Variants in DSG1 observed in about 807,000 individuals in gnomAD.
DSG1 encodes the protein desmoglein 1.
A neutral mutation model predicts 97.5 loss-of-function variants in DSG1; 39 were observed. That is an observed-to-expected ratio of 0.40 (90% confidence interval 0.31 to 0.52). The LOEUF (loss-of-function observed/expected upper bound fraction) is 0.52, where lower values mean the gene tolerates loss of function less well. Among genes scored for constraint, DSG1 ranks in the 20% least tolerant of loss-of-function variants. The pLI, the probability that DSG1 is intolerant of heterozygous loss-of-function variation, is 0.53. For synonymous variants in DSG1, 475 were observed against 443.4 expected, an observed-to-expected ratio of 1.07 and a Z score of -0.90; for missense variants, 1,311 against 1,295.4, an observed-to-expected ratio of 1.01 and a Z score of -0.18.
At chr18:31,326,198 C>G (rs1006269293) in intron 1 of DSG1, among the ~76,000 whole-genome samples, 4 of 151,800 alleles carry the variant, frequency 2.6e-5, no homozygotes, top group African/African-American at 4.8e-5. Context: ...ATAAAAAGAA[C>G]TTTTTTATAT....
chr18:31,336,866 C>T (rs564272826), intron 9 of DSG1, among the ~76,000 whole-genome samples: 3 of 152,296 alleles, frequency 2.0e-5, no homozygotes, highest in Admixed American at 6.5e-5. Flanking sequence ...AGTATCGACA[C>T]TCCTGTATTT....
At chr18:31,320,198 C>T (rs917369961) in intron 1 of DSG1, among the ~76,000 whole-genome samples, 2 of 151,772 alleles carry the variant, frequency 1.3e-5, no homozygotes, top group African/African-American at 2.4e-5. Context: ...CTTTAAAATA[C>T]TTTTTTTCTT....
intron 9 of DSG1, among the ~76,000 whole-genome samples, chr18:31,337,200 G>A (rs1004457026): frequency 6.6e-6 from 1 of 152,168 alleles, no homozygotes; most frequent in African/African-American, 2.4e-5. Context: ...AGAAGAATGG[G>A]AGAAGCACTT....
chr18:31,343,997 T>C lies in DSG1; in HGVS notation c.1891+2T>C. On this transcript the variant is annotated splice_donor_variant, in intron 13 of 14. Transcript: ENST00000257192. LOFTEE classifies it high-confidence loss of function. Reference sequence around the variant, plus strand: ...TAATTGAATGCATTGACAACTCAGGTAAGAAAAAAGAATTTGTTTAACATC... The same window carrying C: ...TAATTGAATGCATTGACAACTCAGGCAAGAAAAAAGAATTTGTTTAACATC... 1 of 1,607,130 alleles carries C rather than the reference T, an allele frequency of 6.2e-7. No homozygotes were observed. Among genetic ancestry groups the C allele is most frequent in the Non-Finnish European group, 8.5e-7 (1 of 1,174,156 alleles).
Position 31,354,301 on chromosome 18 carries a change from C to CAT in DSG1, c.2108_2109dup (p.Ala704MetfsTer24). The CAT allele has an allele frequency of 6.2e-7, 1 of 1,613,918 alleles. No homozygotes were observed. Among genetic ancestry groups the CAT allele is most frequent in the South Asian group, 1.1e-5 (1 of 91,084 alleles). ...CTCTTTCTCCTATAAATTCAGAAAG[C>CAT]ATATGCTTACGCAGATGAAGATGAA... On this transcript the variant is annotated frameshift_variant, in exon 15 of 15. Coordinates refer to ENST00000257192, the MANE Select transcript of DSG1 (RefSeq NM_001942.4). LOFTEE classifies it high-confidence loss of function.
intron 14 of DSG1, among the ~76,000 whole-genome samples, chr18:31,349,352 T>A (rs2071873675): frequency 6.7e-6 from 1 of 148,416 alleles, no homozygotes; most frequent in South Asian, 2.1e-4. Flanking sequence ...AGTACCATGC[T>A]GTTTTGGTTA....
chr18:31,319,456 G>A (rs947461791), intron 1 of DSG1, among the ~76,000 whole-genome samples: 3 of 152,146 alleles, frequency 2.0e-5, no homozygotes, highest in African/African-American at 7.2e-5. Flanking sequence ...AGTTATAAAT[G>A]AGCATCAGTA....
intron 11 of DSG1, among the ~76,000 whole-genome samples, chr18:31,340,885 G>A (rs1169287028): frequency 6.6e-6 from 1 of 152,218 alleles, no homozygotes; most frequent in Non-Finnish European, 1.5e-5. Flanking sequence ...TTAAACTCTG[G>A]TTTCTAAGCC....
At chr18:31,343,365 C>T (rs1371376279) in intron 11 of DSG1, 85 bp from the exon 12 acceptor site, 5 of 1,576,348 alleles carry the variant, frequency 3.2e-6, no homozygotes, top group Non-Finnish European at 3.5e-6. Flanking sequence ...ATTACGAATT[C>T]AAATTTAACC....
At position 31,326,957 on chromosome 18, in the gene DSG1, A is replaced by T; in HGVS notation, c.168A>T (p.Ala56=). Residue 56 remains alanine, a synonymous_variant, in exon 3 of 15, where the codon GCA becomes GCT. Coordinates refer to ENST00000257192, the MANE Select transcript of DSG1 (RefSeq NM_001942.4). Reference sequence around the variant, plus strand: ...AACGTGAATGGATCAAGTTCGCAGCAGCCTGTCGTGAAGGTGAAGACAACT... The same window carrying T: ...AACGTGAATGGATCAAGTTCGCAGCTGCCTGTCGTGAAGGTGAAGACAACT... ...RQKREWIKFA[A]ACREGEDNSK... The T allele has an allele frequency of 6.2e-7, 1 of 1,614,082 alleles. No homozygotes were observed. Among genetic ancestry groups the T allele is most frequent in the South Asian group, 1.1e-5 (1 of 91,084 alleles).
At position 31,355,062 on chromosome 18, in the gene DSG1, G is replaced by A. The variant is rs746169531; in HGVS notation, c.2866G>A (p.Val956Ile). ...AHNVIVTERV[V>I]SGAGVTGISG... The stretch of plus-strand genomic sequence containing the variant: ...CAATGTCATTGTGACAGAGAGGGTT[G>A]TTTCTGGTGCTGGCGTAACTGGAAT... Residue 956 changes from valine (V) to isoleucine (I), a missense_variant, in exon 15 of 15, where the codon GTT (valine) becomes ATT (isoleucine). This residue lies in a region of DSG1 where 1,038 missense variants were observed against 964.6 expected (regional missense o/e 1.08). Coordinates refer to ENST00000257192, the MANE Select transcript of DSG1 (RefSeq NM_001942.4). 1.2e-6 allele frequency: 2 copies of A among 1,614,212 alleles called. No homozygotes were observed. The highest frequency in any genetic ancestry group is 4.5e-5 in the East Asian group (2 of 44,880).
At position 31,356,363 on chromosome 18, in the gene DSG1, T is replaced by C. The variant is rs190770780; in HGVS notation, c.*1017T>C. 1.3e-4 allele frequency: 20 copies of C among 152,014 alleles called. No individual in the cohort carries two copies. Among genetic ancestry groups the C allele is most frequent in the Non-Finnish European group, 7.4e-5 (5 of 67,968 alleles). 9.4% of individuals were successfully genotyped at this position (152,014 alleles called of 1,614,324 possible). A position where few individuals can be genotyped will look rare whatever the true frequency, so the allele number is the denominator to read the frequency against. On this transcript the variant is annotated 3_prime_UTR_variant, in exon 15 of 15. Coordinates refer to ENST00000257192, the MANE Select transcript of DSG1 (RefSeq NM_001942.4). ...AGCTCTGAAGTTAAAATGATTTACATAGGCCGAGCTGTGGACAAAAAAAAA... is the reference window on the plus strand; with the variant it reads ...AGCTCTGAAGTTAAAATGATTTACACAGGCCGAGCTGTGGACAAAAAAAAA...
chr18:31,348,426 C>T (rs2071861956), intron 14 of DSG1, among the ~76,000 whole-genome samples: 1 of 151,772 alleles, frequency 6.6e-6, no homozygotes, highest in African/African-American at 2.4e-5. Context: ...CCGCAATAAA[C>T]ATACGTGTGC....
intron 14 of DSG1, among the ~76,000 whole-genome samples, chr18:31,348,183 T>C (rs868774637): frequency 0.037 from 5,156 of 138,922 alleles, 319 homozygotes; most frequent in African/African-American, 0.13. Context: ...GTGATCTCAT[T>C]GTTCAATTCC....
rs374853227 is a variant in DSG1, at chr18:31,353,505, G to C, written c.2101-792G>C. 9.3e-4 allele frequency among the ~76,000 whole-genome samples: 142 copies of C among 152,268 alleles called. 2 individuals carry two copies. The highest frequency in any genetic ancestry group is 3.2e-3 in the African/African-American group (133 of 41,562). On this transcript the variant is annotated intron_variant, in intron 14 of 14. Transcript: ENST00000257192. ...AGCTGTGGTGGGCTCCACCCAGTTC[G>C]AGCTTCCTGTCTGCTTTGTTTACCT...
intron 1 of DSG1, among the ~76,000 whole-genome samples, chr18:31,319,747 T>C (rs2071641882): frequency 1.3e-5 from 2 of 152,174 alleles, no homozygotes; most frequent in African/African-American, 4.8e-5. Flanking sequence ...ATCTCTAAGA[T>C]GTGCCTTATT....
chr18:31,353,341 C>A (rs923002450), intron 14 of DSG1, among the ~76,000 whole-genome samples: 1 of 151,552 alleles, frequency 6.6e-6, no homozygotes, highest in African/African-American at 2.4e-5. Flanking sequence ...AGTTCTCCAG[C>A]TGCGTGCTGG....
intron 11 of DSG1, among the ~76,000 whole-genome samples, chr18:31,342,620 T>C (rs2071797032): frequency 1.3e-5 from 2 of 152,320 alleles, no homozygotes; most frequent in South Asian, 4.1e-4. Context: ...TGCTAAGCAG[T>C]GTGATGTTTT....
intron 10 of DSG1, 137 bp from the exon 11 acceptor site, chr18:31,339,607 G>A (rs2071775561): frequency 1.8e-6 from 1 of 565,906 alleles, no homozygotes; most frequent in Admixed American, 3.6e-5. Flanking sequence ...AAAAACAAGG[G>A]ATGATTTTCA....
Sources: allele counts gnomAD v4.1 joint callset (sites outside exome capture counted in the v4.1 genomes callset), GRCh38; gene constraint gnomAD v4.1.1; regional missense constraint gnomAD v4.1.1; transcripts MANE v1.5; gene names NCBI Gene and HGNC (gene_info 2026-07-23, HGNC 2026-07-21).